RBM34: variants seen among roughly 807,000 people sequenced by gnomAD.
RBM34 encodes RNA binding motif protein 34, also known as RNA-binding protein 34.
A neutral mutation model predicts 44.6 loss-of-function variants in RBM34; 39 were observed. That is an observed-to-expected ratio of 0.87 (90% CI 0.68 to 1.14). RBM34 has a LOEUF of 1.14. Among genes scored for constraint, RBM34 ranks in the 50% most tolerant of loss-of-function variants. The pLI is 0.00. For missense variants in RBM34, 572 were observed against 517.9 expected, an observed-to-expected ratio of 1.10 and a Z score of -1.01; for synonymous variants, 194 against 184.0, an observed-to-expected ratio of 1.05 and a Z score of -0.44.
chr1:235,137,775 TCCCTCACA>T, intron 8 of RBM34, 94 bp downstream of exon 8: 1 of 867,036 alleles, frequency 1.2e-6, no homozygotes, highest in Non-Finnish European at 1.8e-6. Context: ...CTTCTGCGCT[TCCCTCACA>T]TTGCTGATTC....
Position 235,161,200 on chromosome 1 carries a change from C to G in RBM34, c.27G>C (p.Arg9=). ...CCTCCTGGACACTTCTCTTTCTCTT[C>G]CGTTTGCTCATCCCTTCCAAGGCCA... MALEGMSK[R]KRKRSVQEGE... is the part of the protein sequence containing the mutation. The change falls in exon 1 of 11, where the codon CGG becomes CGC. Residue 9 remains arginine (R), a synonymous_variant. Transcript: ENST00000408888. The G allele has an allele frequency of 6.2e-7, 1 of 1,610,388 alleles. No homozygotes were observed. The highest frequency in any genetic ancestry group is 8.5e-7 in the Non-Finnish European group (1 of 1,177,916).
At chr1:235,160,858 A>C in intron 2 of RBM34, 35 bp downstream of exon 2, 1 of 1,609,088 alleles carries the variant, frequency 6.2e-7, no homozygotes, top group South Asian at 1.1e-5. Flanking sequence ...AAGTGGTTCT[A>C]ACGAGCTATT....
At chr1:235,155,866 T>TATATATATATATAC (rs1484124143) in intron 3 of RBM34, among the ~76,000 whole-genome samples, 7 of 34,300 alleles carry the variant, frequency 2.0e-4, no homozygotes, top group South Asian at 1.4e-3. Flanking sequence ...TATATATATA[T>TATATATATATATAC]ACATATATAC....
intron 6 of RBM34, 66 bp downstream of exon 6, chr1:235,148,338 G>T: frequency 8.3e-7 from 1 of 1,206,574 alleles, no homozygotes; most frequent in Non-Finnish European, 1.2e-6. Flanking sequence ...TTAAGAAATG[G>T]TCTCACTTTT....
In RBM34 at chr1:235,160,890, T is replaced by C. The variant is rs776095984; in HGVS notation, c.228+3A>G. The stretch of plus-strand genomic sequence containing the variant: ...TATTCGGGAAGAAAGCCCAGTGACT[T>C]ACTTTAGGCACAGGCACGTACACGG... On this transcript the variant is annotated splice_donor_region_variant and intron_variant, in intron 2 of 10. Transcript: ENST00000408888. 3.0e-5 allele frequency: 48 copies of C among 1,613,144 alleles called. No individual in the cohort carries two copies. Among genetic ancestry groups the C allele is most frequent in the Non-Finnish European group, 4.1e-5 (48 of 1,179,526 alleles).
chr1:235,153,489 G>A (rs1377178573), intron 4 of RBM34, among the ~76,000 whole-genome samples: 2 of 150,632 alleles, frequency 1.3e-5, no homozygotes, highest in African/African-American at 2.4e-5. Flanking sequence ...GCGGTGGCAC[G>A]ATCTTGGCTT....
Position 235,154,924 on chromosome 1 carries a change from C to A in RBM34, c.554G>T (p.Arg185Ile). Residue 185 changes from arginine to isoleucine, a missense_variant, in exon 4 of 11, where the codon AGA (arginine) becomes ATA (isoleucine). Transcript: ENST00000408888. ...NQEEERLKNE[R>I]TVFVGNLPVT... is the part of the protein sequence containing the mutation. ...AGGCAAATTCCCAACAAACACAGTT[C>A]TCTCATTCTTTAATCTCTCTTCTTC... The A allele has an allele frequency of 6.2e-7, 1 of 1,614,020 alleles. No individual in the cohort carries two copies. Among genetic ancestry groups the A allele is most frequent in the Non-Finnish European group, 8.5e-7 (1 of 1,179,978 alleles).
At position 235,161,080 on chromosome 1, in the gene RBM34, G is replaced by A. The variant is rs1553276174; in HGVS notation, c.54-13C>T. 9 of 1,609,656 alleles carry A rather than the reference G, an allele frequency of 5.6e-6. No homozygotes were observed. The highest frequency in any genetic ancestry group is 7.7e-6 in the Non-Finnish European group (9 of 1,176,366). Reference sequence around the variant, plus strand: ...GTCAGGATTCTCTCTAGAAATGGACGACAGAAACTCAGCCACGCCACGCAC... The same window carrying A: ...GTCAGGATTCTCTCTAGAAATGGACAACAGAAACTCAGCCACGCCACGCAC... On this transcript the variant is annotated splice_polypyrimidine_tract_variant and intron_variant, in intron 1 of 10. Coordinates refer to ENST00000408888, the MANE Select transcript of RBM34 (RefSeq NM_015014.4).
At chr1:235,140,121 C>A (rs1661610917) in intron 6 of RBM34, among the ~76,000 whole-genome samples, 1 of 152,260 alleles carries the variant, frequency 6.6e-6, no homozygotes, top group Non-Finnish European at 1.5e-5. Context: ...TGACAGCGTG[C>A]TGGCAGTCCT....
rs544883517 is a variant in RBM34, at chr1:235,146,115, T to C, written c.701+2289A>G. On this transcript the variant is annotated intron_variant, in intron 6 of 10. Coordinates refer to ENST00000408888, the MANE Select transcript of RBM34 (RefSeq NM_015014.4). ...GCAGCTGGGACTACAGTGCACAGCA[T>C]CATGCCCAGCTAATTTTTTGTAGAG... 2.3e-4 allele frequency among the ~76,000 whole-genome samples: 35 copies of C among 151,938 alleles called. 1 individual carries two copies. The highest frequency in any genetic ancestry group is 8.0e-4 in the African/African-American group (33 of 41,416).
intron 6 of RBM34, among the ~76,000 whole-genome samples, chr1:235,144,027 A>C (rs968313914): frequency 2.0e-5 from 3 of 151,994 alleles, no homozygotes; most frequent in African/African-American, 7.3e-5. Flanking sequence ...AAACTTAAAA[A>C]TCAGCCGGGT....
intron 3 of RBM34, among the ~76,000 whole-genome samples, chr1:235,159,315 G>A (rs1572172318): frequency 1.3e-5 from 2 of 151,990 alleles, no homozygotes; most frequent in Non-Finnish European, 2.9e-5. Flanking sequence ...ACCTTGGGAG[G>A]CGGAGGCAAG....
intron 9 of RBM34, 75 bp from the exon 10 acceptor site, chr1:235,135,845 A>C: frequency 7.4e-7 from 1 of 1,344,756 alleles, no homozygotes. Context: ...TTAATAATAC[A>C]GCTAGTTAAG....
intron 5 of RBM34, among the ~76,000 whole-genome samples, chr1:235,149,346 A>G (rs979093084): frequency 1.0e-4 from 15 of 147,264 alleles, no homozygotes; most frequent in Non-Finnish European, 8.9e-5. Flanking sequence ...CCCAGATGGC[A>G]CCACTGCACT....
In RBM34 at chr1:235,152,703, T is replaced by C. The variant is rs563098286; in HGVS notation, c.657+3A>G. 3 of 1,600,372 alleles carry C rather than the reference T, an allele frequency of 1.9e-6. No homozygotes were observed. The highest frequency in any genetic ancestry group is 2.6e-6 in the Non-Finnish European group (3 of 1,173,428). ...TGTAATTTTACGGGGGAATGAAACA[T>C]ACCAGAGAACGAAATCGTACAGATT... On this transcript the variant is annotated splice_donor_region_variant and intron_variant, in intron 5 of 10. Coordinates refer to ENST00000408888, the MANE Select transcript of RBM34 (RefSeq NM_015014.4).
chr1:235,136,241 CTG>C, intron 8 of RBM34, 168 bp from the exon 9 acceptor site: 1 of 650,314 alleles, frequency 1.5e-6, no homozygotes, highest in Non-Finnish European at 2.7e-6. Context: ...CCCTGCTGGA[CTG>C]TGTGTGGGTA....
chr1:235,148,178 T>C (rs576524813), intron 6 of RBM34, among the ~76,000 whole-genome samples: 3 of 152,364 alleles, frequency 2.0e-5, no homozygotes, highest in African/African-American at 7.2e-5. Context: ...AAATTTCTCA[T>C]GGCTCATTTT....
rs866757698 is a variant in RBM34, at chr1:235,156,174, T to C, written c.366-1062A>G. Among the ~76,000 whole-genome samples, 66 of 151,854 alleles carry C rather than the reference T, an allele frequency of 4.3e-4. 1 individual carries two copies. The highest frequency in any genetic ancestry group is 6.8e-3 in the Middle Eastern group (2 of 294). On this transcript the variant is annotated intron_variant, in intron 3 of 10. Coordinates refer to ENST00000408888, the MANE Select transcript of RBM34 (RefSeq NM_015014.4). ...TGAGCCACCGCGCCCAGTCTCCTTT[T>C]ATATTTTTTTGTAGAGACAGGGTTT...
chr1:235,142,785 G>A (rs966631350), intron 6 of RBM34, among the ~76,000 whole-genome samples: 3 of 151,190 alleles, frequency 2.0e-5, no homozygotes, highest in Non-Finnish European at 2.9e-5. Flanking sequence ...AAAATGACCC[G>A]AGTGTGGTGG....
Sources: gnomAD v4.1 joint callset for allele counts (sites outside exome capture counted in the v4.1 genomes callset) on GRCh38, gnomAD v4.1.1 for gene constraint, MANE v1.5 for transcripts, NCBI Gene and HGNC (gene_info 2026-07-23, HGNC 2026-07-21) for gene names.